Variants in PAGE2B observed in about 807,000 individuals in gnomAD.
PAGE2B encodes putative G antigen family E member 3.
PAGE2B carries 5 observed loss-of-function variants against 7.6 expected under a neutral mutation model. The observed-to-expected ratio is 0.66, with a 90% CI of 0.34 to 1.38. PAGE2B has a LOEUF of 1.38. PAGE2B is among the 40% of genes most tolerant of loss of function. The probability of loss-of-function intolerance (pLI) is 0.04; values close to 1 mark genes in which losing one functional copy is unlikely to be tolerated. For missense variants in PAGE2B, 70 were observed against 78.4 expected (o/e 0.89, Z 0.41); for synonymous variants, 29 against 26.7 (o/e 1.09, Z -0.27).
At chrX:55,039,167 C>A in the PAGE2B span, among the ~76,000 whole-genome samples, 1 of 111,167 alleles carries the variant, frequency 9.0e-6, no homozygotes, top group Non-Finnish European at 1.9e-5. Flanking sequence ...GCAGTTTCAG[C>A]AGCCAGGCTT....
At chrX:55,076,978 CT>C (rs1936528136) in intron 3 of PAGE2B, among the ~76,000 whole-genome samples, 1 of 111,259 alleles carries the variant, frequency 9.0e-6, no homozygotes, top group Non-Finnish European at 1.9e-5. Flanking sequence ...AGAATGGCAG[CT>C]TGCAGCTTCC....
the PAGE2B span, among the ~76,000 whole-genome samples, chrX:55,053,339 G>A: frequency 9.0e-6 from 1 of 111,534 alleles, no homozygotes; most frequent in East Asian, 2.8e-4. Flanking sequence ...ATGGACACAG[G>A]GAGGGGAACA....
the PAGE2B span, among the ~76,000 whole-genome samples, chrX:55,036,791 G>A: frequency 9.1e-6 from 1 of 109,535 alleles, no homozygotes; most frequent in Non-Finnish European, 1.9e-5. Context: ...ACAAAAACAA[G>A]CAATGGGGAA....
At chrX:55,036,039 G>T in the PAGE2B span, among the ~76,000 whole-genome samples, 3 of 111,566 alleles carry the variant, frequency 2.7e-5, no homozygotes, top group African/African-American at 9.8e-5. Flanking sequence ...TGGATTCCTA[G>T]GTATTTTATT....
the PAGE2B span, among the ~76,000 whole-genome samples, chrX:55,047,229 TCATCCATGTCCCTACAAAGGACA>T: frequency 9.0e-6 from 1 of 111,251 alleles, no homozygotes; most frequent in Non-Finnish European, 1.9e-5. Context: ...GTTTCCAGCT[TCATCCATGTCCCTACAAAGGACA>T]TGAACTCATC....
At chrX:55,073,255 C>A (rs1049423973), upstream of PAGE2B, among the ~76,000 whole-genome samples, 2 of 111,794 alleles carry the variant, frequency 1.8e-5, no homozygotes, top group African/African-American at 6.5e-5. Flanking sequence ...GTGGGAGAAG[C>A]GTAGTATCTG....
At chrX:55,048,795 AT>A in the PAGE2B span, among the ~76,000 whole-genome samples, 5 of 111,269 alleles carry the variant, frequency 4.5e-5, no homozygotes, top group Non-Finnish European at 9.4e-5. Flanking sequence ...AATGCCCTTT[AT>A]TTCCTTCTCC....
At chrX:55,051,258 A>G in the PAGE2B span, among the ~76,000 whole-genome samples, 1 of 110,802 alleles carries the variant, frequency 9.0e-6, no homozygotes, top group Admixed American at 9.7e-5. Flanking sequence ...CCTTCATTTC[A>G]ACTTTGGTGA....
rs758768563 is a variant in PAGE2B at position 55,077,364 on chromosome X, T to C, written c.194-35T>C. 18 of 1,203,960 alleles carry C rather than the reference T, an allele frequency of 1.5e-5. No individual in the cohort carries two copies. In the East Asian group the frequency reaches 4.7e-4, roughly 32 times the overall value. ...ATTTCCTTGTTCATAGTTCATGTTTTAATTTGTAAACTGATGACCTTTTTA... is the reference window on the plus strand; with the variant it reads ...ATTTCCTTGTTCATAGTTCATGTTTCAATTTGTAAACTGATGACCTTTTTA... On this transcript the variant is annotated intron_variant, in intron 3 of 4. Coordinates refer to ENST00000374971, the MANE Select transcript of PAGE2B (RefSeq NM_001015038.3).
chrX:55,053,769 A>G, the PAGE2B span, among the ~76,000 whole-genome samples: 148 of 111,981 alleles, frequency 1.3e-3, no homozygotes, highest in African/African-American at 4.8e-3. Flanking sequence ...AAAACAATAC[A>G]TCTATTTCTT....
chrX:55,075,283 G>T (rs150840347), intron 1 of PAGE2B, among the ~76,000 whole-genome samples, 169 bp downstream of exon 1: 1 of 111,600 alleles, frequency 9.0e-6, no homozygotes, highest in African/African-American at 3.3e-5. Context: ...GGGACTTGTC[G>T]TCGTGGCTGG....
In PAGE2B at chrX:55,076,632, G is replaced by A. The variant is rs1432261824; in HGVS notation, c.148G>A (p.Ala50Thr). 1.2e-5 allele frequency: 15 copies of A among 1,208,211 alleles called. No homozygotes were observed. The highest frequency in any genetic ancestry group is 1.7e-5 in the Non-Finnish European group (15 of 894,133). ...EEPPTDNQGIAPSGEIENEGA... is the reference protein window; with the variant it reads ...EEPPTDNQGITPSGEIENEGA... ...ACCACCAACTGATAATCAGGGTATT[G>A]CACCTAGTGGGGAGATCGAAAATGA... is the stretch of plus-strand genomic sequence containing the variant. The change falls in exon 3 of 5, where the codon GCA (alanine) becomes ACA (threonine). Residue 50 changes from alanine (A) to threonine (T), a missense_variant. Coordinates refer to ENST00000374971, the MANE Select transcript of PAGE2B (RefSeq NM_001015038.3).
the PAGE2B span, among the ~76,000 whole-genome samples, chrX:55,041,059 T>C: frequency 9.2e-6 from 1 of 108,759 alleles, no homozygotes; most frequent in African/African-American, 3.3e-5. Context: ...CACTTAGCAT[T>C]AGTAGGTGTT....
At chrX:55,064,646 T>A in the PAGE2B span, among the ~76,000 whole-genome samples, 2 of 111,418 alleles carry the variant, frequency 1.8e-5, no homozygotes, top group Non-Finnish European at 3.8e-5. Flanking sequence ...GTTTTTTTTT[T>A]ATTCGATGTA....
the PAGE2B span, among the ~76,000 whole-genome samples, chrX:55,066,052 C>T: frequency 8.9e-6 from 1 of 111,739 alleles, no homozygotes; most frequent in East Asian, 2.8e-4. Flanking sequence ...AGTTTTGTAC[C>T]TTCAGATGAT....
the PAGE2B span, among the ~76,000 whole-genome samples, chrX:55,028,594 T>G: frequency 9.0e-6 from 1 of 111,160 alleles, no homozygotes; most frequent in African/African-American, 3.3e-5. Context: ...ATGCTCAGGG[T>G]CCTGGGAAAA....
chrX:55,043,979 A>ATAATAATAATAATAC, the PAGE2B span, among the ~76,000 whole-genome samples: 1 of 106,271 alleles, frequency 9.4e-6, no homozygotes, highest in African/African-American at 3.4e-5. Flanking sequence ...AATAATAATA[A>ATAATAATAATAATAC]TAATAATAAT....
At chrX:55,055,077 C>G in the PAGE2B span, 1 of 111,321 alleles carries the variant, frequency 9.0e-6, no homozygotes, top group East Asian at 2.8e-4. Flanking sequence ...AGAACATCGG[C>G]CAGGCGCGGT....
the PAGE2B span, among the ~76,000 whole-genome samples, chrX:55,030,228 C>G: frequency 1.8e-5 from 2 of 111,521 alleles, no homozygotes; most frequent in African/African-American, 6.5e-5. Flanking sequence ...AATGACTTGC[C>G]TAGGGTCTCA....
Sources: gnomAD v4.1 joint callset for allele counts (sites outside exome capture counted in the v4.1 genomes callset) on GRCh38, gnomAD v4.1.1 for gene constraint, MANE v1.5 for transcripts, NCBI Gene and HGNC (gene_info 2026-07-23, HGNC 2026-07-21) for gene names.